Variants in SLC44A5 observed in about 807,000 individuals in gnomAD.
SLC44A5 encodes the protein choline transporter-like protein 5.
A neutral mutation model predicts 101.8 loss-of-function variants in SLC44A5; 57 were observed. That is an observed-to-expected ratio of 0.56 (90% confidence interval 0.45 to 0.70). The LOEUF is 0.70. Ranked by LOEUF, SLC44A5 falls within the 30% of genes least tolerant of loss-of-function variation. The probability of loss-of-function intolerance (pLI) is 0.00; values close to 1 mark genes in which losing one functional copy is unlikely to be tolerated. For synonymous variants in SLC44A5, 281 were observed against 290.9 expected (o/e 0.97, Z 0.35); for missense variants, 737 against 853.1 (o/e 0.86, Z 1.70).
chr1:75,564,440 C>T (rs1672677346), intron 1 of SLC44A5, among the ~76,000 whole-genome samples: 1 of 16,850 alleles, frequency 5.9e-5, no homozygotes, highest in Admixed American at 1.0e-3. Flanking sequence ...ATTTTTTTTG[C>T]AATCGTTTTT....
At chr1:75,508,598 G>C (rs1466200676) in intron 2 of SLC44A5, among the ~76,000 whole-genome samples, 1 of 151,760 alleles carries the variant, frequency 6.6e-6, no homozygotes, top group African/African-American at 2.4e-5. Flanking sequence ...TGATAGACTG[G>C]TAACTAGATG....
At chr1:75,317,779 G>A (rs1655807078) in intron 4 of SLC44A5, among the ~76,000 whole-genome samples, 1 of 152,126 alleles carries the variant, frequency 6.6e-6, no homozygotes, top group Non-Finnish European at 1.5e-5. Context: ...TCACATCACA[G>A]AGAAAGAGCA....
At chr1:75,347,923 G>T (rs1191664658) in intron 3 of SLC44A5, among the ~76,000 whole-genome samples, 1 of 152,100 alleles carries the variant, frequency 6.6e-6, no homozygotes, top group South Asian at 2.1e-4. Context: ...TGAACTAATT[G>T]TCAAAAGAAA....
At chr1:75,377,007 G>A (rs960465765) in intron 3 of SLC44A5, among the ~76,000 whole-genome samples, 1 of 152,144 alleles carries the variant, frequency 6.6e-6, no homozygotes, top group Admixed American at 6.5e-5. Context: ...TGAAAACCAA[G>A]GCTCGAGAAC....
In SLC44A5 at chr1:75,218,566, T is replaced by C. The variant is rs1647010678; in HGVS notation, c.1453A>G (p.Thr485Ala). Residue 485 changes from threonine (T) to alanine (A), a missense_variant, in exon 17 of 24, where the codon ACT (threonine) becomes GCT (alanine). By Grantham distance (58) the Thr-to-Ala change is moderately conservative. Transcript: ENST00000370859. ...GGTTTTTTCATGGCCCAGTAATAAG[T>C]AGCGAATGCACCAGCAAGGGCGCAC... ...GQCALAGAFA[T>A]YYWAMKKPDD... 3 of 1,613,800 alleles carry C rather than the reference T, an allele frequency of 1.9e-6. No individual in the cohort carries two copies. The highest frequency in any genetic ancestry group is 1.7e-6 in the Non-Finnish European group (2 of 1,179,766).
At chr1:75,302,248 T>A (rs770565545) in intron 4 of SLC44A5, among the ~76,000 whole-genome samples, 1 of 151,136 alleles carries the variant, frequency 6.6e-6, no homozygotes, top group East Asian at 1.9e-4. Flanking sequence ...TCAGAGCAGT[T>A]GTTACATACC....
the SLC44A5 span, among the ~76,000 whole-genome samples, chr1:75,633,195 C>T: frequency 8.5e-5 from 13 of 152,160 alleles, no homozygotes; most frequent in African/African-American, 2.2e-4. Context: ...ATTGGCTTGG[C>T]GATGCGGGCT....
the SLC44A5 span, among the ~76,000 whole-genome samples, chr1:75,659,761 C>CA: frequency 2.0e-5 from 3 of 151,098 alleles, no homozygotes; most frequent in African/African-American, 4.9e-5. Flanking sequence ...GACCCTGTCT[C>CA]AAAAAAAGAA....
intron 2 of SLC44A5, among the ~76,000 whole-genome samples, chr1:75,492,508 G>A (rs1354670568): frequency 6.6e-6 from 1 of 152,018 alleles, no homozygotes; most frequent in African/African-American, 2.4e-5. Context: ...AAATGAAAAG[G>A]ACACAGTCCT....
intron 4 of SLC44A5, among the ~76,000 whole-genome samples, chr1:75,307,288 C>T (rs1654986062): frequency 6.6e-6 from 1 of 152,064 alleles, no homozygotes; most frequent in South Asian, 2.1e-4. Flanking sequence ...CATTTATAAC[C>T]CAAAGTCTAG....
the SLC44A5 span, among the ~76,000 whole-genome samples, chr1:75,718,118 A>G: frequency 2.2e-4 from 34 of 152,236 alleles, no homozygotes; most frequent in African/African-American, 8.0e-4. Context: ...TAAAGTTGTG[A>G]CACCTTTACT....
At chr1:75,576,259 TAGAG>T (rs1250081670) in intron 1 of SLC44A5, among the ~76,000 whole-genome samples, 1 of 150,916 alleles carries the variant, frequency 6.6e-6, no homozygotes, top group East Asian at 1.9e-4. Context: ...GAGATGGAGA[TAGAG>T]ATAGAGACAG....
intron 1 of SLC44A5, among the ~76,000 whole-genome samples, chr1:75,595,293 T>C (rs530313462): frequency 3.9e-5 from 6 of 152,220 alleles, no homozygotes; most frequent in Admixed American, 3.3e-4. Context: ...TTTCACACTT[T>C]ATTCACACAC....
intron 2 of SLC44A5, among the ~76,000 whole-genome samples, chr1:75,512,419 A>T (rs1669613939): frequency 5.3e-5 from 8 of 152,182 alleles, no homozygotes; most frequent in Admixed American, 5.2e-4. Context: ...ACCTCTGTAG[A>T]TTACTTTCTT....
intron 4 of SLC44A5, among the ~76,000 whole-genome samples, chr1:75,333,420 C>T (rs922473644): frequency 6.7e-6 from 1 of 149,632 alleles, no homozygotes; most frequent in Admixed American, 6.7e-5. Flanking sequence ...TTTGTGGCCT[C>T]TTTTATTCCT....
chr1:75,397,561 A>G (rs1464900567), intron 2 of SLC44A5, among the ~76,000 whole-genome samples: 3 of 152,162 alleles, frequency 2.0e-5, no homozygotes, highest in Non-Finnish European at 4.4e-5. Context: ...TAAAATAGTA[A>G]CCAACTTTTG....
chr1:75,696,692 G>C, the SLC44A5 span, among the ~76,000 whole-genome samples: 1 of 151,950 alleles, frequency 6.6e-6, no homozygotes, highest in Non-Finnish European at 1.5e-5. Flanking sequence ...TCAGGAGATC[G>C]AGACCATCCT....
At chr1:75,323,575 G>A (rs1025828926) in intron 4 of SLC44A5, among the ~76,000 whole-genome samples, 2 of 152,148 alleles carry the variant, frequency 1.3e-5, no homozygotes, top group Non-Finnish European at 2.9e-5. Flanking sequence ...CACCAACAGT[G>A]TAAAAGTGTT....
At chr1:75,559,815 T>C (rs1672419575) in intron 1 of SLC44A5, among the ~76,000 whole-genome samples, 1 of 152,094 alleles carries the variant, frequency 6.6e-6, no homozygotes, top group African/African-American at 2.4e-5. Context: ...ATCCAGAATA[T>C]ATAAAGAAGT....
Sources: gnomAD v4.1 joint callset for allele counts (sites outside exome capture counted in the v4.1 genomes callset) on GRCh38, gnomAD v4.1.1 for gene constraint, MANE v1.5 for transcripts, NCBI Gene and HGNC (gene_info 2026-07-23, HGNC 2026-07-21) for gene names.